ZNF385D: variants seen among roughly 807,000 people sequenced by gnomAD.
ZNF385D encodes the protein zinc finger protein 659.
ZNF385D carries 15 observed loss-of-function variants against 35.8 expected under a neutral mutation model. The ratio of observed to expected loss-of-function variants is 0.42; its 90% CI spans 0.28 to 0.64. ZNF385D has a LOEUF of 0.64. Among genes scored for constraint, ZNF385D ranks in the 30% least tolerant of loss-of-function variants. The pLI is 0.23. For missense variants in ZNF385D, 474 were observed against 494.6 expected (o/e 0.96, Z 0.39); for synonymous variants, 212 against 186.8 (o/e 1.13, Z -1.10).
intron 2 of ZNF385D, among the ~76,000 whole-genome samples, chr3:21,658,128 C>T (rs2066127427): frequency 6.6e-6 from 1 of 151,946 alleles, no homozygotes; most frequent in Admixed American, 6.6e-5. Context: ...ATATGTTAAG[C>T]ATACTTAATG....
At chr3:21,647,836 A>G (rs1437150788) in intron 2 of ZNF385D, among the ~76,000 whole-genome samples, 1 of 152,196 alleles carries the variant, frequency 6.6e-6, no homozygotes, top group Non-Finnish European at 1.5e-5. Flanking sequence ...CCTGTTTTAT[A>G]GGCTTGGCAG....
rs571098698 is a variant in ZNF385D at position 22,327,792 on chromosome 3, T to C, written c.106+44658A>G. Among the ~76,000 whole-genome samples, 5 of 152,340 alleles carry C rather than the reference T, an allele frequency of 3.3e-5. 1 individual carries two copies. The South Asian group carries it at 8.3e-4, about 25-fold the overall frequency. ...AGTGATGCTGCATAGATGTGATTTA[T>C]CGACTTTGTCCCTGTGCTTTGTGAA... On this transcript the variant is annotated intron_variant, in intron 2 of 5. Coordinates refer to the ZNF385D transcript ENST00000494108.
chr3:21,569,672 T>G (rs1485231021), intron 2 of ZNF385D, among the ~76,000 whole-genome samples: 1 of 151,886 alleles, frequency 6.6e-6, no homozygotes, highest in African/African-American at 2.4e-5. Context: ...GGTCTTTACA[T>G]TTTGGCATGA....
At chr3:21,902,512 C>T (rs1035628139) in intron 3 of ZNF385D, among the ~76,000 whole-genome samples, 8 of 152,112 alleles carry the variant, frequency 5.3e-5, no homozygotes, top group Admixed American at 2.0e-4. Context: ...TTCTCCTATT[C>T]CTTTTCCTCC....
At chr3:21,930,145 T>C (rs544731210) in intron 3 of ZNF385D, among the ~76,000 whole-genome samples, 5 of 152,048 alleles carry the variant, frequency 3.3e-5, no homozygotes, top group African/African-American at 9.7e-5. Flanking sequence ...ACCCATACTT[T>C]ATGACAATTA....
At chr3:22,217,829 T>C (rs1003005042) in intron 2 of ZNF385D, among the ~76,000 whole-genome samples, 4 of 152,052 alleles carry the variant, frequency 2.6e-5, no homozygotes, top group Admixed American at 2.0e-4. Context: ...ATTTTACCTG[T>C]ACAATATTTC....
intron 2 of ZNF385D, among the ~76,000 whole-genome samples, chr3:22,227,216 G>A (rs1451635524): frequency 1.3e-5 from 2 of 151,976 alleles, no homozygotes; most frequent in African/African-American, 4.8e-5. Flanking sequence ...GTCATCCAAG[G>A]TTCCTAGTTC....
intron 2 of ZNF385D, among the ~76,000 whole-genome samples, chr3:21,659,442 A>G (rs1177444469): frequency 6.6e-6 from 1 of 152,144 alleles, no homozygotes; most frequent in African/African-American, 2.4e-5. Context: ...TTCATAGAAA[A>G]ATGTTGGCCT....
At chr3:21,720,896 T>C (rs1049192840) in intron 1 of ZNF385D, among the ~76,000 whole-genome samples, 17 of 152,190 alleles carry the variant, frequency 1.1e-4, no homozygotes, top group Middle Eastern at 3.2e-3. Context: ...AAGTGCGTGA[T>C]TGCAACCACG....
chr3:21,562,961 C>CACA (rs2063008377), intron 3 of ZNF385D, among the ~76,000 whole-genome samples: 1 of 152,178 alleles, frequency 6.6e-6, no homozygotes, highest in African/African-American at 2.4e-5. Flanking sequence ...AAAATCCCTT[C>CACA]ACATAAAATA....
chr3:21,996,529 T>C (rs923044027), intron 3 of ZNF385D, among the ~76,000 whole-genome samples: 13 of 152,318 alleles, frequency 8.5e-5, no homozygotes, highest in African/African-American at 2.9e-4. Flanking sequence ...TAGTCACCTC[T>C]ACTGAAACTC....
intron 3 of ZNF385D, among the ~76,000 whole-genome samples, chr3:21,807,359 C>A (rs897673090): frequency 6.6e-6 from 1 of 152,048 alleles, no homozygotes; most frequent in African/African-American, 2.4e-5. Context: ...GTTTATGACA[C>A]TATGAAGATA....
At chr3:22,017,890 G>A (rs921545184) in intron 3 of ZNF385D, among the ~76,000 whole-genome samples, 1 of 151,646 alleles carries the variant, frequency 6.6e-6, no homozygotes, top group Non-Finnish European at 1.5e-5. Flanking sequence ...TATTCAACTT[G>A]TTTTTTGCCT....
rs61226426 is a variant in ZNF385D at position 21,757,120 on chromosome 3, C to CTTTTTTTTTTTTTTTTTTT, written c.326-92111_326-92093dup. On this transcript the variant is annotated intron_variant, in intron 3 of 5. Coordinates refer to the ZNF385D transcript ENST00000494108. ...CTTTGGAGACATATGATAAATTTCT[C>CTTTTTTTTTTTTTTTTTTT]TTTTTTTTTTTTTTTTTTTGTTTTC... 9.1e-4 allele frequency among the ~76,000 whole-genome samples: 97 copies of CTTTTTTTTTTTTTTTTTTT among 106,406 alleles called. 2 individuals are homozygous for CTTTTTTTTTTTTTTTTTTT. Among genetic ancestry groups the CTTTTTTTTTTTTTTTTTTT allele is most frequent in the African/African-American group, 1.5e-3 (43 of 27,908 alleles). The allele number at this position is 106,406 out of a possible 152,430, so 69.8% of individuals were successfully genotyped here.
intron 1 of ZNF385D, among the ~76,000 whole-genome samples, chr3:21,733,471 C>G (rs974123781): frequency 6.6e-6 from 1 of 152,084 alleles, no homozygotes; most frequent in South Asian, 2.1e-4. Flanking sequence ...TTCTTATAAG[C>G]TCTTTGTTAA....
intron 1 of ZNF385D, among the ~76,000 whole-genome samples, chr3:21,742,250 T>C (rs2069550658): frequency 1.3e-5 from 2 of 152,230 alleles, no homozygotes; most frequent in South Asian, 4.1e-4. Context: ...AAAGCCGTGC[T>C]ACCAGAAAGT....
intron 2 of ZNF385D, among the ~76,000 whole-genome samples, chr3:22,212,091 T>C (rs111266757): frequency 6.6e-6 from 1 of 151,964 alleles, no homozygotes; most frequent in Admixed American, 6.6e-5. Context: ...ATGTTTAGCT[T>C]TTTTCTTCAC....
intron 2 of ZNF385D, among the ~76,000 whole-genome samples, chr3:22,314,801 G>T (rs954503959): frequency 6.6e-6 from 1 of 152,088 alleles, no homozygotes; most frequent in African/African-American, 2.4e-5. Context: ...AAACATCCTG[G>T]TCATATTAAT....
At chr3:22,194,005 A>C (rs1696237226) in intron 2 of ZNF385D, among the ~76,000 whole-genome samples, 1 of 151,898 alleles carries the variant, frequency 6.6e-6, no homozygotes, top group Admixed American at 6.6e-5. Flanking sequence ...TAGCTATGAC[A>C]ATTTTTATTT....
Sources: gnomAD v4.1 joint callset for allele counts (sites outside exome capture counted in the v4.1 genomes callset) on GRCh38, gnomAD v4.1.1 for gene constraint, MANE v1.5 for transcripts, NCBI Gene and HGNC (gene_info 2026-07-23, HGNC 2026-07-21) for gene names.